The following IMPG1 variants were observed in gnomAD, a reference collection of about 807,000 sequenced individuals.
IMPG1 encodes the protein interphotoreceptor matrix proteoglycan 1.
Under a neutral mutation model 92.0 loss-of-function variants are expected in IMPG1, and 85 were observed. That is an observed-to-expected ratio of 0.92 (90% CI 0.78 to 1.11). The LOEUF is 1.11. IMPG1 is among the 50% of genes least tolerant of loss of function. IMPG1 has a pLI of 0.00. For synonymous variants in IMPG1, 367 were observed against 334.1 expected (o/e 1.10, Z -1.08); for missense variants, 1,022 against 956.0 (o/e 1.07, Z -0.91).
At chr6:75,965,015 T>A (rs1292710125) in intron 12 of IMPG1, among the ~76,000 whole-genome samples, 1 of 152,196 alleles carries the variant, frequency 6.6e-6, no homozygotes, top group Non-Finnish European at 1.5e-5. Context: ...TTCATCCAAA[T>A]TGTGTGTATC....
Position 76,034,602 on chromosome 6 carries a change from A to G in IMPG1, c.468+19T>C, listed in dbSNP as rs2149487976. ...TGTTCGTGCAGTGTTCCAAATAACC[A>G]TGTGGTGTTTAGGCTCACCTGCTGG... On this transcript the variant is annotated intron_variant, in intron 3 of 16. Coordinates refer to ENST00000369950, the MANE Select transcript of IMPG1 (RefSeq NM_001563.4). The G allele has an allele frequency of 6.2e-7, 1 of 1,613,246 alleles. No individual in the cohort carries two copies. Among genetic ancestry groups the G allele is most frequent in the Non-Finnish European group, 8.5e-7 (1 of 1,179,340 alleles).
chr6:75,999,367 T>C (rs1270287134), intron 12 of IMPG1, among the ~76,000 whole-genome samples: 1 of 152,232 alleles, frequency 6.6e-6, no homozygotes, highest in African/African-American at 2.4e-5. Context: ...TTGAGTGCTT[T>C]ACAGAGATTT....
In IMPG1 at chr6:76,022,201, A is replaced by AGTGAGAC; in HGVS notation, c.574_580dup (p.Leu194ArgfsTer11). 1 of 1,591,280 alleles carries AGTGAGAC rather than the reference A, an allele frequency of 6.3e-7. No individual in the cohort carries two copies. Among genetic ancestry groups the AGTGAGAC allele is most frequent in the Non-Finnish European group, 8.6e-7 (1 of 1,163,878 alleles). ...ATCAGGAGTGAGAGGGAAAGGCCCA[A>AGTGAGAC]GTGAGACGTTGGCAACATCTGTGAA... On this transcript the variant is annotated frameshift_variant, in exon 6 of 17. Transcript: ENST00000369950. LOFTEE classifies it high-confidence loss of function.
chr6:75,941,795 C>T (rs552248342), intron 14 of IMPG1, among the ~76,000 whole-genome samples: 1 of 152,212 alleles, frequency 6.6e-6, no homozygotes, highest in Non-Finnish European at 1.5e-5. Context: ...TTCATATTCT[C>T]TTTAAACCAG....
At chr6:76,010,926 G>A (rs1301246076) in intron 8 of IMPG1, among the ~76,000 whole-genome samples, 2 of 152,164 alleles carry the variant, frequency 1.3e-5, no homozygotes, top group Non-Finnish European at 2.9e-5. Flanking sequence ...TCTATAGAGA[G>A]CACTATTTCT....
At chr6:75,984,458 G>A (rs1240347122) in intron 12 of IMPG1, among the ~76,000 whole-genome samples, 4 of 152,104 alleles carry the variant, frequency 2.6e-5, no homozygotes, top group Admixed American at 6.6e-5. Flanking sequence ...GAAATAAGCC[G>A]GGCACAGAAA....
chr6:75,922,892 A>G (rs1781452752), intron 16 of IMPG1, among the ~76,000 whole-genome samples: 1 of 151,506 alleles, frequency 6.6e-6, no homozygotes, highest in Admixed American at 6.6e-5. Context: ...TGTAGGTGCA[A>G]ACTTTGAGGC....
chr6:75,934,847 G>C (rs1781717622), intron 14 of IMPG1: 1 of 426,396 alleles, frequency 2.3e-6, no homozygotes, highest in South Asian at 1.7e-5. Flanking sequence ...TGTCCTACTG[G>C]CTGTGTGCTG....
At chr6:76,061,399 T>G (rs1281444094) in intron 1 of IMPG1, among the ~76,000 whole-genome samples, 1 of 152,202 alleles carries the variant, frequency 6.6e-6, no homozygotes, top group Non-Finnish European at 1.5e-5. Context: ...GTACAGTTAA[T>G]GTGCCTACCA....
chr6:75,951,222 C>CT (rs1782025992), intron 12 of IMPG1, 128 bp from the exon 13 acceptor site: 6 of 646,842 alleles, frequency 9.3e-6, no homozygotes, highest in Admixed American at 3.6e-5. Flanking sequence ...TTTCAATAGT[C>CT]ATTTTTTTTT....
chr6:76,013,399 A>G lies in IMPG1; in HGVS notation c.808-2175T>C, dbSNP rs1402491628. Among the ~76,000 whole-genome samples, 4 of 151,934 alleles carry G rather than the reference A, an allele frequency of 2.6e-5. No individual in the cohort carries two copies. In the East Asian group the frequency reaches 7.7e-4, roughly 29 times the overall value. ...TACACTTCTATGTCTTCAAGTTCCT[A>G]TGAATTATTTTCTCTTCAATTTTTC... is the stretch of plus-strand genomic sequence containing the variant. On this transcript the variant is annotated intron_variant, in intron 7 of 16. Coordinates refer to ENST00000369950, the MANE Select transcript of IMPG1 (RefSeq NM_001563.4).
intron 14 of IMPG1, among the ~76,000 whole-genome samples, chr6:75,934,507 T>C (rs1404928280): frequency 1.3e-5 from 2 of 152,184 alleles, no homozygotes; most frequent in Non-Finnish European, 2.9e-5. Flanking sequence ...CTCTCCACCG[T>C]GTGATCAAAA....
chr6:76,030,951 T>A (rs1027356801), intron 4 of IMPG1, among the ~76,000 whole-genome samples: 1 of 152,086 alleles, frequency 6.6e-6, no homozygotes, highest in Admixed American at 6.5e-5. Flanking sequence ...GCCTGGCCCA[T>A]CCTCGTTTGG....
intron 12 of IMPG1, among the ~76,000 whole-genome samples, chr6:75,989,698 C>T (rs1345171504): frequency 6.6e-6 from 1 of 152,078 alleles, no homozygotes; most frequent in Non-Finnish European, 1.5e-5. Context: ...CAAAAATGAG[C>T]TGGGTGTGGT....
At chr6:75,931,341 G>A (rs1365929166) in intron 14 of IMPG1, among the ~76,000 whole-genome samples, 190 bp from the exon 15 acceptor site, 2 of 152,194 alleles carry the variant, frequency 1.3e-5, no homozygotes, top group Non-Finnish European at 2.9e-5. Context: ...ACAGACACAA[G>A]TGATATTAGT....
intron 7 of IMPG1, among the ~76,000 whole-genome samples, chr6:76,017,160 AG>A (rs942809833): frequency 6.7e-6 from 1 of 149,676 alleles, no homozygotes; most frequent in Non-Finnish European, 1.5e-5. Context: ...AGTGAAAAGG[AG>A]GGGGATGATA....
intron 12 of IMPG1, among the ~76,000 whole-genome samples, chr6:75,978,371 C>A (rs1210029528): frequency 6.6e-6 from 1 of 152,160 alleles, no homozygotes; most frequent in Non-Finnish European, 1.5e-5. Flanking sequence ...AGTTCCAGCA[C>A]ACTCTTTTGT....
At chr6:76,023,298 C>T (rs1783465797) in intron 5 of IMPG1, among the ~76,000 whole-genome samples, 1 of 152,154 alleles carries the variant, frequency 6.6e-6, no homozygotes, top group African/African-American at 2.4e-5. Context: ...TGGACTTCAT[C>T]AGACTATTAC....
intron 14 of IMPG1, among the ~76,000 whole-genome samples, chr6:75,933,938 AGCTAG>A (rs762503091): frequency 6.6e-6 from 1 of 152,248 alleles, no homozygotes; most frequent in Non-Finnish European, 1.5e-5. Flanking sequence ...AGCCCATTTT[AGCTAG>A]TAAGTATGAT....
Sources: gnomAD v4.1 joint callset for allele counts (sites outside exome capture counted in the v4.1 genomes callset) on GRCh38, gnomAD v4.1.1 for gene constraint, MANE v1.5 for transcripts, NCBI Gene and HGNC (gene_info 2026-07-23, HGNC 2026-07-21) for gene names.